Variants in ZNF808 observed in about 807,000 individuals in gnomAD.
ZNF808 encodes zinc finger protein 808.
A neutral mutation model predicts 8.7 loss-of-function variants in ZNF808; 5 were observed. The observed-to-expected ratio is 0.58, with a 90% confidence interval of 0.30 to 1.21. The LOEUF is 1.21. ZNF808 is among the 50% of genes most tolerant of loss of function. The pLI is 0.07. For synonymous variants in ZNF808, 380 were observed against 366.0 expected (o/e 1.04, Z -0.44); for missense variants, 1,103 against 1,098.4 (o/e 1.00, Z -0.06).
At chr19:52,559,824 T>G (rs149816092), downstream of ZNF808, among the ~76,000 whole-genome samples, 575 of 152,248 alleles carry the variant, frequency 3.8e-3, 3 homozygotes, top group African/African-American at 0.013. Flanking sequence ...CCTTCCAGAT[T>G]ACAGTGATTC....
intron 3 of ZNF808, among the ~76,000 whole-genome samples, chr19:52,545,444 T>A (rs1299825705): frequency 6.6e-6 from 1 of 152,182 alleles, no homozygotes; most frequent in Non-Finnish European, 1.5e-5. Flanking sequence ...GTAATGATTT[T>A]AAGTATTTTT....
intron 4 of ZNF808, among the ~76,000 whole-genome samples, chr19:52,551,859 C>T (rs539781644): frequency 1.3e-5 from 2 of 151,858 alleles, no homozygotes; most frequent in Admixed American, 1.3e-4. Flanking sequence ...AAAAATTAGC[C>T]AGGTGTAGTG....
chr19:52,543,503 C>T (rs2059692444), intron 3 of ZNF808, among the ~76,000 whole-genome samples, 156 bp downstream of exon 3: 2 of 152,164 alleles, frequency 1.3e-5, no homozygotes, highest in Admixed American at 1.3e-4. Flanking sequence ...CATGCCTGCC[C>T]TCAGTTCCTC....
At chr19:52,534,532 C>G (rs1393084442) in intron 2 of ZNF808, among the ~76,000 whole-genome samples, 1 of 152,048 alleles carries the variant, frequency 6.6e-6, no homozygotes, top group Non-Finnish European at 1.5e-5. Flanking sequence ...GAGATGATTT[C>G]TCATTTGGGG....
At chr19:52,541,631 GAGGT>G (rs927271282) in intron 2 of ZNF808, among the ~76,000 whole-genome samples, 11 of 151,996 alleles carry the variant, frequency 7.2e-5, no homozygotes, top group South Asian at 4.2e-4. Context: ...TCTTCTGGGA[GAGGT>G]AGTGCTCAGT....
At chr19:52,536,178 C>A (rs548348332) in intron 2 of ZNF808, 1 of 152,568 alleles carries the variant, frequency 6.6e-6, no homozygotes, top group Non-Finnish European at 1.5e-5. Context: ...ATTGAGATGT[C>A]CCCGTAAGAG....
intron 2 of ZNF808, among the ~76,000 whole-genome samples, chr19:52,535,261 G>T (rs2059594646): frequency 1.3e-5 from 2 of 149,016 alleles, no homozygotes; most frequent in South Asian, 2.1e-4. Flanking sequence ...AACCCGGGAG[G>T]CGGAGCTTGC....
intron 4 of ZNF808, among the ~76,000 whole-genome samples, chr19:52,548,788 A>G (rs367554967): frequency 6.6e-6 from 1 of 152,088 alleles, no homozygotes; most frequent in Non-Finnish European, 1.5e-5. Context: ...TTTTCCTCAC[A>G]TATTTATCTG....
downstream of ZNF808, among the ~76,000 whole-genome samples, chr19:52,558,735 AT>A (rs1232012342): frequency 6.6e-6 from 1 of 152,198 alleles, no homozygotes; most frequent in Non-Finnish European, 1.5e-5. Flanking sequence ...TACTGTGTCT[AT>A]GTAGAAAGAA....
At chr19:52,535,639 CTGAA>C (rs931354815) in intron 2 of ZNF808, among the ~76,000 whole-genome samples, 1 of 152,214 alleles carries the variant, frequency 6.6e-6, no homozygotes, top group African/African-American at 2.4e-5. Flanking sequence ...ACCCTCCCTC[CTGAA>C]TGAATGGAGA....
In ZNF808 at chr19:52,554,129, G is replaced by A; in HGVS notation, c.1213G>A (p.Gly405Ser). 2 of 1,614,084 alleles carry A rather than the reference G, an allele frequency of 1.2e-6. No homozygotes were observed. Among genetic ancestry groups the A allele is most frequent in the Non-Finnish European group, 1.7e-6 (2 of 1,180,004 alleles). Residue 405 changes from glycine (G) to serine (S), a missense_variant, in exon 5 of 5, where the codon GGT becomes AGT. Gly to Ser is a moderately conservative substitution (Grantham distance 56). Transcript: ENST00000359798. ...GEKTYKCNEC[G>S]KAFNHQSSLA... Reference sequence around the variant, plus strand: ...GAAAACATACAAGTGTAATGAGTGTGGTAAGGCTTTTAATCATCAATCAAG... The same window carrying A: ...GAAAACATACAAGTGTAATGAGTGTAGTAAGGCTTTTAATCATCAATCAAG...
At chr19:52,538,659 G>A (rs1216975613) in intron 2 of ZNF808, among the ~76,000 whole-genome samples, 1 of 146,634 alleles carries the variant, frequency 6.8e-6, no homozygotes. Context: ...GAGCAAAACA[G>A]GAGAGGGGCA....
At chr19:52,564,238 G>C in exon 4 of ZNF808, 1 of 928,436 alleles carries the variant, frequency 1.1e-6, no homozygotes. Flanking sequence ...ATAAGGAATT[G>C]CACGTGAGAT....
At chr19:52,561,794 G>T (rs996159102) in intron 3 of ZNF808, among the ~76,000 whole-genome samples, 19 of 152,058 alleles carry the variant, frequency 1.2e-4, no homozygotes, top group African/African-American at 2.4e-4. Context: ...AGATCCACCC[G>T]CCTCGGTCTC....
Position 52,564,096 on chromosome 19 carries a change from C to A in ZNF808, c.*1201C>A. On this transcript the variant is annotated 3_prime_UTR_variant and NMD_transcript_variant, in exon 4 of 4. Coordinates refer to the ZNF808 transcript ENST00000487863. Reference sequence around the variant, plus strand: ...TTGTCATGTCTTCTCACAAGACTTTCAGGATTAAGCGGTTTCTGGCCAACA... The same window carrying A: ...TTGTCATGTCTTCTCACAAGACTTTAAGGATTAAGCGGTTTCTGGCCAACA... The A allele has an allele frequency of 2.2e-5, 14 of 650,084 alleles. 1 individual carries two copies. Among genetic ancestry groups the A allele is most frequent in the South Asian group, 2.0e-4 (14 of 70,398 alleles). 40.3% of individuals were successfully genotyped at this position (650,084 alleles called of 1,614,324 possible). A position where few individuals can be genotyped will look rare whatever the true frequency, so the allele number is the denominator to read the frequency against.
Position 52,544,580 on chromosome 19 carries a change from C to T in ZNF808, c.63+1233C>T, listed in dbSNP as rs140513973. Among the ~76,000 whole-genome samples the T allele has an allele frequency of 3.6e-4, 55 of 152,228 alleles. No individual in the cohort carries two copies. In the East Asian group the frequency reaches 8.5e-3, roughly 24 times the overall value. On this transcript the variant is annotated intron_variant, in intron 3 of 4. Transcript: ENST00000359798. ...TCCTGACCTCATGATCTGCCTATCT[C>T]GGACTCCCTAAGTGCTGAGGTTAAA...
chr19:52,562,810 G>A lies in ZNF808; in HGVS notation c.*423-508G>A, dbSNP rs528445400. Among the ~76,000 whole-genome samples, 5 of 151,654 alleles carry A rather than the reference G, an allele frequency of 3.3e-5. No individual in the cohort carries two copies. The South Asian group carries it at 1.0e-3, about 32-fold the overall frequency. On this transcript the variant is annotated intron_variant and NMD_transcript_variant, in intron 3 of 3. Transcript: ENST00000487863. Reference sequence around the variant, plus strand: ...TTTTTTGGAGACAGAGTCTTGCCCTGTTACCCAGGCTGGAGTGCAATGGCA... The same window carrying A: ...TTTTTTGGAGACAGAGTCTTGCCCTATTACCCAGGCTGGAGTGCAATGGCA...
At chr19:52,537,687 CAAAA>C (rs11330924) in intron 2 of ZNF808, among the ~76,000 whole-genome samples, 3 of 117,060 alleles carry the variant, frequency 2.6e-5, no homozygotes, top group Non-Finnish European at 3.9e-5. Flanking sequence ...GACCCTGTCT[CAAAA>C]AAAAAAAAAA....
At chr19:52,542,188 G>A (rs1186666086) in intron 2 of ZNF808, among the ~76,000 whole-genome samples, 1 of 151,924 alleles carries the variant, frequency 6.6e-6, no homozygotes, top group Non-Finnish European at 1.5e-5. Flanking sequence ...CTGACTCCTG[G>A]GATCAAGGGA....
Sources: allele counts gnomAD v4.1 joint callset (sites outside exome capture counted in the v4.1 genomes callset), GRCh38; gene constraint gnomAD v4.1.1; transcripts MANE v1.5; gene names NCBI Gene and HGNC (gene_info 2026-07-23, HGNC 2026-07-21).